PPP4R2: variants seen among roughly 807,000 people sequenced by gnomAD.
PPP4R2 encodes the protein serine/threonine-protein phosphatase 4 regulatory subunit 2.
In PPP4R2, 13 loss-of-function variants were observed where a neutral mutation model predicts 47.2. That is an observed-to-expected ratio of 0.28 (90% CI 0.18 to 0.44). PPP4R2 has a LOEUF of 0.44. Ranked by LOEUF, PPP4R2 falls within the 20% of genes least tolerant of loss-of-function variation. The pLI is 1.00. For missense variants in PPP4R2, 421 were observed against 491.2 expected (o/e 0.86, Z 1.35); for synonymous variants, 151 against 163.3 (o/e 0.92, Z 0.57).
At position 73,066,239 on chromosome 3, in the gene PPP4R2, C is replaced by CATACATATATATATAT. The variant is rs1553652539; in HGVS notation, c.*520_*521insCATATATATATATATA. On this transcript the variant is annotated 3_prime_UTR_variant, in exon 9 of 9. Transcript: ENST00000356692. ...TGGAACTTTAAGTCATATATACATACATATATATATATATATATATATAAT... is the reference window on the plus strand; with the variant it reads ...TGGAACTTTAAGTCATATATACATACATACATATATATATATATATATATATATATATATATATAAT... 371 of 134,078 alleles carry CATACATATATATATAT rather than the reference C, an allele frequency of 2.8e-3. 2 individuals carry two copies. Among genetic ancestry groups the CATACATATATATATAT allele is most frequent in the East Asian group, 0.015 (67 of 4,598 alleles). 8.3% of individuals were successfully genotyped at this position (134,078 alleles called of 1,614,324 possible).
chr3:73,039,466 G>T (rs1702332622), intron 2 of PPP4R2, among the ~76,000 whole-genome samples: 1 of 152,150 alleles, frequency 6.6e-6, no homozygotes, highest in Non-Finnish European at 1.5e-5. Context: ...TACAAAATGA[G>T]AATCCAAAAA....
chr3:73,062,186 C>G (rs1168249584), intron 5 of PPP4R2: 1 of 1,562,858 alleles, frequency 6.4e-7, no homozygotes. Flanking sequence ...TGATTCTTAA[C>G]AAAATTAAAG....
upstream of PPP4R2, chr3:72,996,784 C>A (rs1701349911): frequency 8.4e-6 from 3 of 357,796 alleles, no homozygotes; most frequent in Admixed American, 4.7e-5. Flanking sequence ...AGGACGGCGG[C>A]AGGGAGCGTG....
At chr3:73,020,682 A>AAAAT (rs1701941952) in intron 2 of PPP4R2, among the ~76,000 whole-genome samples, 1 of 151,726 alleles carries the variant, frequency 6.6e-6, no homozygotes, top group Non-Finnish European at 1.5e-5. Context: ...TAAAAAAAAA[A>AAAAT]AAAAAAAAAG....
At position 73,066,766 on chromosome 3, in the gene PPP4R2, T is replaced by C. The variant is rs1250077235; in HGVS notation, c.*1044T>C. 1.3e-5 allele frequency: 2 copies of C among 152,056 alleles called. No individual in the cohort carries two copies. The highest frequency in any genetic ancestry group is 2.9e-5 in the Non-Finnish European group (2 of 67,942). The allele number at this position is 152,056 out of a possible 1,614,324, so 9.4% of individuals were successfully genotyped here. A position where few individuals can be genotyped will look rare whatever the true frequency, so the allele number is the denominator to read the frequency against. ...TACTGGAAGAATTAATATATTACTT[T>C]AGTATGTACCTGAGCTAAATGACTG... On this transcript the variant is annotated 3_prime_UTR_variant, in exon 9 of 9. Coordinates refer to ENST00000356692, the MANE Select transcript of PPP4R2 (RefSeq NM_174907.4).
At chr3:73,016,598 C>T (rs1346960343) in intron 2 of PPP4R2, among the ~76,000 whole-genome samples, 1 of 151,998 alleles carries the variant, frequency 6.6e-6, no homozygotes, top group Non-Finnish European at 1.5e-5. Flanking sequence ...TTAACCAAGT[C>T]TTAGTTTTAC....
At chr3:73,049,567 A>AGT (rs1379730007) in intron 3 of PPP4R2, among the ~76,000 whole-genome samples, 1 of 152,132 alleles carries the variant, frequency 6.6e-6, no homozygotes, top group African/African-American at 2.4e-5. Flanking sequence ...ACTTAGACAT[A>AGT]GTGAGTCGTC....
At chr3:73,026,699 C>T (rs569858942) in intron 2 of PPP4R2, among the ~76,000 whole-genome samples, 4 of 108,842 alleles carry the variant, frequency 3.7e-5, no homozygotes, top group South Asian at 3.4e-4. Flanking sequence ...GAGATTTTTG[C>T]GATTTTTTTT....
intron 2 of PPP4R2, among the ~76,000 whole-genome samples, chr3:73,024,498 C>T (rs2107261065): frequency 6.6e-6 from 1 of 152,184 alleles, no homozygotes; most frequent in South Asian, 2.1e-4. Context: ...GTCTGCTGGA[C>T]TCAGTGTTTT....
intron 2 of PPP4R2, among the ~76,000 whole-genome samples, chr3:73,042,403 C>T (rs1460124879): frequency 2.3e-5 from 3 of 128,978 alleles, no homozygotes; most frequent in Non-Finnish European, 4.7e-5. Flanking sequence ...CTCGCTGTGT[C>T]ACCCAGGCTG....
intron 2 of PPP4R2, chr3:73,015,990 A>ACTCCT (rs1701824961): frequency 5.3e-6 from 1 of 187,800 alleles, no homozygotes; most frequent in African/African-American, 2.4e-5. Context: ...CTGGTCTCGA[A>ACTCCT]CTCCTGACCT....
chr3:73,036,792 TTAAAG>T (rs1209607336), intron 2 of PPP4R2, among the ~76,000 whole-genome samples: 21 of 152,198 alleles, frequency 1.4e-4, no homozygotes, highest in Non-Finnish European at 2.2e-4. Flanking sequence ...GGGATATACT[TTAAAG>T]TAGCAGTGAA....
Position 73,061,864 on chromosome 3 carries a change from A to G in PPP4R2, c.419+804A>G, listed in dbSNP as rs2231922. ...AGATGTGAACCACCACACCCAGCCC[A>G]GTCAATTTGTTTTTAGAATGTTCCC... is the stretch of plus-strand genomic sequence containing the variant. On this transcript the variant is annotated intron_variant, in intron 5 of 8. Coordinates refer to ENST00000356692, the MANE Select transcript of PPP4R2 (RefSeq NM_174907.4). 954 of 467,432 alleles carry G rather than the reference A, an allele frequency of 2.0e-3. 8 individuals are homozygous for G. Among genetic ancestry groups the G allele is most frequent in the African/African-American group, 0.018 (890 of 48,534 alleles). 29.0% of individuals were successfully genotyped at this position (467,432 alleles called of 1,614,324 possible). A position where few individuals can be genotyped will look rare whatever the true frequency, so the allele number is the denominator to read the frequency against.
intron 2 of PPP4R2, among the ~76,000 whole-genome samples, chr3:73,015,332 A>G (rs1041791472): frequency 6.6e-6 from 1 of 151,622 alleles, no homozygotes; most frequent in African/African-American, 2.4e-5. Flanking sequence ...GGTGTGTATC[A>G]TGCCCAGCTG....
At position 73,008,238 on chromosome 3, in the gene PPP4R2, G is replaced by A. The variant is rs185375021; in HGVS notation, c.116+10080G>A. ...TGTGCTGTCATCACAGTGGTACACA[G>A]AGGAAGCACAATAGATTTTCAGTAA... On this transcript the variant is annotated intron_variant, in intron 2 of 8. Transcript: ENST00000356692. Among the ~76,000 whole-genome samples, 13 of 152,292 alleles carry A rather than the reference G, an allele frequency of 8.5e-5. No homozygotes were observed. The East Asian group carries it at 2.5e-3, about 29-fold the overall frequency.
chr3:73,066,239 C>CATACATATACATAT lies in PPP4R2; in HGVS notation c.*520_*521insCATATACATATATA, dbSNP rs1553652539. ...TGGAACTTTAAGTCATATATACATA[C>CATACATATACATAT]ATATATATATATATATATATATAAT... On this transcript the variant is annotated 3_prime_UTR_variant, in exon 9 of 9. Coordinates refer to ENST00000356692, the MANE Select transcript of PPP4R2 (RefSeq NM_174907.4). 1.5e-5 allele frequency: 2 copies of CATACATATACATAT among 134,118 alleles called. No individual in the cohort carries two copies. Among genetic ancestry groups the CATACATATACATAT allele is most frequent in the African/African-American group, 5.5e-5 (2 of 36,526 alleles). 8.3% of individuals were successfully genotyped at this position (134,118 alleles called of 1,614,324 possible).
Position 73,061,056 on chromosome 3 carries a change from T to G in PPP4R2, c.415T>G (p.Ser139Ala). Residue 139 changes from serine (S) to alanine (A), a missense_variant, in exon 5 of 9, where the codon TCA (serine) becomes GCA (alanine). Physicochemically the swap from Ser to Ala is moderately conservative, Grantham distance 99. Around this residue, in one of 2 missense-constraint regions of PPP4R2, gnomAD observed 104 missense variants for 203.7 expected, o/e 0.51. Transcript: ENST00000356692. The part of the protein sequence containing the change: ...VMVVSCVYPS[S>A]EKNNSNSLNR... Reference sequence around the variant, plus strand: ...GGTTGTTAGCTGTGTTTATCCTTCTTCAGAGTAAGTATATTTTTTCTATTT... The same window carrying G: ...GGTTGTTAGCTGTGTTTATCCTTCTGCAGAGTAAGTATATTTTTTCTATTT... The G allele has an allele frequency of 6.6e-7, 1 of 1,508,280 alleles. No individual in the cohort carries two copies. Among genetic ancestry groups the G allele is most frequent in the Non-Finnish European group, 9.0e-7 (1 of 1,108,832 alleles). The allele number at this position is 1,508,280 out of a possible 1,614,324, so 93.4% of individuals were successfully genotyped here.
chr3:73,016,698 G>A (rs1701838387), intron 2 of PPP4R2, among the ~76,000 whole-genome samples: 1 of 138,818 alleles, frequency 7.2e-6, no homozygotes, highest in Non-Finnish European at 1.5e-5. Context: ...ATTTAAATAT[G>A]GTGTCTGTTA....
intron 5 of PPP4R2, 188 bp from the exon 6 acceptor site, chr3:73,063,485 A>ATGGCATCACACGTC (rs553033942): frequency 1.3e-3 from 672 of 519,088 alleles, no homozygotes; most frequent in Middle Eastern, 2.2e-3. Context: ...ATAGCTGCGC[A>ATGGCATCACACGTC]TGGCATCACA....
Sources: gnomAD v4.1 joint callset for allele counts (sites outside exome capture counted in the v4.1 genomes callset) on GRCh38, gnomAD v4.1.1 for gene constraint, gnomAD v4.1.1 regional missense constraint, MANE v1.5 for transcripts, NCBI Gene and HGNC (gene_info 2026-07-23, HGNC 2026-07-21) for gene names.